The following CYFIP2 variants were observed in gnomAD, a reference collection of about 807,000 sequenced individuals.
CYFIP2 encodes the protein cytoplasmic FMR1 interacting protein 2.
A neutral mutation model predicts 158.7 loss-of-function variants in CYFIP2; 29 were observed. That is an observed-to-expected ratio of 0.18 (90% confidence interval 0.14 to 0.25). The LOEUF (loss-of-function observed/expected upper bound fraction) is 0.25. Among genes scored for constraint, CYFIP2 ranks in the 10% least tolerant of loss-of-function variants. CYFIP2 has a pLI of 1.00. For missense variants in CYFIP2, 852 were observed against 1,639.5 expected (o/e 0.52, Z 8.29); for synonymous variants, 585 against 617.6 (o/e 0.95, Z 0.78).
intron 26 of CYFIP2, among the ~76,000 whole-genome samples, chr5:157,367,480 T>C (rs986198894): frequency 6.6e-6 from 1 of 152,192 alleles, no homozygotes; most frequent in African/African-American, 2.4e-5. Context: ...TGCAGGAGTC[T>C]GGATGAAAAC....
chr5:157,313,374 A>G (rs189132383), intron 11 of CYFIP2, among the ~76,000 whole-genome samples: 3 of 152,302 alleles, frequency 2.0e-5, no homozygotes, highest in East Asian at 3.9e-4. Flanking sequence ...TTTTTTTTCC[A>G]TAAGGCATGT....
intron 6 of CYFIP2, 118 bp downstream of exon 6, chr5:157,301,014 A>G (rs1473870686): frequency 4.6e-6 from 4 of 871,074 alleles, no homozygotes; most frequent in East Asian, 5.7e-5. Context: ...ATACCAAACT[A>G]GCCATCCCCC....
Position 157,294,814 on chromosome 5 carries a change from C to T in CYFIP2, c.239C>T (p.Ala80Val), listed in dbSNP as rs866878368. 1.9e-6 allele frequency: 3 copies of T among 1,613,638 alleles called. No individual in the cohort carries two copies. Among genetic ancestry groups the T allele is most frequent in the Non-Finnish European group, 1.7e-6 (2 of 1,179,664 alleles). The change falls in exon 4 of 31, where the codon GCG becomes GTG. Residue 80 changes from alanine (A) to valine (V), a missense_variant. Coordinates refer to ENST00000620254, the MANE Select transcript of CYFIP2 (RefSeq NM_001037333.3). ...NEMLEEGHEY[A>V]VMLYTWRSCS... ...ATGCTGGAGGAAGGACATGAGTATGCGGTCATGCTGTACACCTGGCGCAGC... is the reference window on the plus strand; with the variant it reads ...ATGCTGGAGGAAGGACATGAGTATGTGGTCATGCTGTACACCTGGCGCAGC...
chr5:157,302,806 C>T lies in CYFIP2; in HGVS notation c.582C>T (p.Phe194=), dbSNP rs762421841. 1 of 1,579,928 alleles carries T rather than the reference C, an allele frequency of 6.3e-7. No homozygotes were observed. The highest frequency in any genetic ancestry group is 1.8e-5 in the Admixed American group (1 of 54,758). ...DHSAYKRAAQ[F]LRKMADPQSI... Reference sequence around the variant, plus strand: ...ATCTGCGTTTCAGGGCAGCACAGTTCCTGCGGAAGATGGCAGATCCCCAGT... The same window carrying T: ...ATCTGCGTTTCAGGGCAGCACAGTTTCTGCGGAAGATGGCAGATCCCCAGT... The change falls in exon 7 of 31, where the codon TTC becomes TTT. Residue 194 remains phenylalanine, a synonymous_variant. Transcript: ENST00000620254.
At chr5:157,392,326 C>T (rs1276206586) in intron 30 of CYFIP2, among the ~76,000 whole-genome samples, 1 of 151,958 alleles carries the variant, frequency 6.6e-6, no homozygotes, top group African/African-American at 2.4e-5. Context: ...AAAATTTTTC[C>T]CCTATATTCT....
At chr5:157,309,266 C>T (rs769046468) in intron 9 of CYFIP2, among the ~76,000 whole-genome samples, 4 of 152,146 alleles carry the variant, frequency 2.6e-5, no homozygotes, top group East Asian at 1.9e-4. Context: ...GGTTTTTGGT[C>T]GGGAGTTGTT....
intron 26 of CYFIP2, among the ~76,000 whole-genome samples, chr5:157,368,891 T>C (rs1298521469): frequency 8.9e-5 from 6 of 67,348 alleles, no homozygotes; most frequent in Non-Finnish European, 2.2e-4. Flanking sequence ...CCAGAGGTTT[T>C]TTGTTTTTTT....
chr5:157,343,443 A>G, intron 23 of CYFIP2: 1 of 1,614,114 alleles, frequency 6.2e-7, no homozygotes, highest in Non-Finnish European at 8.5e-7. Flanking sequence ...TTGGGCCTGT[A>G]CATAATATGG....
chr5:157,347,841 C>T (rs1246893841), intron 23 of CYFIP2, among the ~76,000 whole-genome samples: 1 of 152,230 alleles, frequency 6.6e-6, no homozygotes. Context: ...CCTCAGACCG[C>T]TTGACTGATG....
chr5:157,346,329 C>G (rs1762688915), intron 23 of CYFIP2, among the ~76,000 whole-genome samples: 1 of 152,118 alleles, frequency 6.6e-6, no homozygotes, highest in Admixed American at 6.5e-5. Flanking sequence ...CCATCCAGAA[C>G]CTTAGGATGT....
chr5:157,363,116 C>G (rs1763991523), intron 26 of CYFIP2: 1 of 152,444 alleles, frequency 6.6e-6, no homozygotes, highest in African/African-American at 2.4e-5. Context: ...TGCCTCATGG[C>G]TGACTCAGAG....
At chr5:157,309,938 C>A in intron 10 of CYFIP2, 104 bp downstream of exon 10, 1 of 1,098,710 alleles carries the variant, frequency 9.1e-7, no homozygotes, top group South Asian at 1.4e-5. Flanking sequence ...GATCCCTGGG[C>A]AGGTGGATTC....
Position 157,394,393 on chromosome 5 carries a change from G to A in CYFIP2, c.*1393G>A, listed in dbSNP as rs1230723690. The A allele has an allele frequency of 6.6e-6, 1 of 152,228 alleles. No individual in the cohort carries two copies. Among genetic ancestry groups the A allele is most frequent in the African/African-American group, 2.4e-5 (1 of 41,446 alleles). The allele number at this position is 152,228 out of a possible 1,614,324, so 9.4% of individuals were successfully genotyped here. ...CCAGCCCAGGGAAGTAAGATGGTTAGCAATGGTTGCCTTAATCAAATGGTC... is the reference window on the plus strand; with the variant it reads ...CCAGCCCAGGGAAGTAAGATGGTTAACAATGGTTGCCTTAATCAAATGGTC... On this transcript the variant is annotated 3_prime_UTR_variant, in exon 31 of 31. Coordinates refer to ENST00000620254, the MANE Select transcript of CYFIP2 (RefSeq NM_001037333.3).
At chr5:157,345,050 A>G (rs1457262798) in intron 23 of CYFIP2, among the ~76,000 whole-genome samples, 1 of 152,240 alleles carries the variant, frequency 6.6e-6, no homozygotes, top group Non-Finnish European at 1.5e-5. Context: ...AACGAAAGGG[A>G]TGAGACGGAT....
At chr5:157,280,713 TACTA>T (rs769150958) in intron 1 of CYFIP2, among the ~76,000 whole-genome samples, 65 of 152,222 alleles carry the variant, frequency 4.3e-4, no homozygotes, top group Non-Finnish European at 7.9e-4. Context: ...AATCTATAGT[TACTA>T]ACTCACTGCG....
intron 15 of CYFIP2, 140 bp from the exon 16 acceptor site, chr5:157,323,781 C>A: frequency 9.3e-7 from 1 of 1,078,794 alleles, no homozygotes; most frequent in Non-Finnish European, 1.3e-6. Flanking sequence ...AAACCTTAAA[C>A]TGGTGCTTCC....
intron 3 of CYFIP2, 108 bp downstream of exon 3, chr5:157,287,216 C>A: frequency 1.2e-6 from 1 of 804,492 alleles, no homozygotes; most frequent in Non-Finnish European, 2.1e-6. Context: ...TAAGAACCCC[C>A]TGCCTCAGTC....
At chr5:157,337,084 G>A (rs1161520160) in intron 21 of CYFIP2, among the ~76,000 whole-genome samples, 1 of 152,164 alleles carries the variant, frequency 6.6e-6, no homozygotes, top group Non-Finnish European at 1.5e-5. Flanking sequence ...CAGTGTGCCA[G>A]GGGACTCAGT....
At chr5:157,379,668 CAAAAAAAAAAA>C (rs70984468) in intron 26 of CYFIP2, among the ~76,000 whole-genome samples, 2 of 73,654 alleles carry the variant, frequency 2.7e-5, no homozygotes, top group African/African-American at 1.0e-4. Context: ...GACCCTGTCT[CAAAAAAAAAAA>C]AAAAAAAAAA....
Sources: allele counts gnomAD v4.1 joint callset (sites outside exome capture counted in the v4.1 genomes callset), GRCh38; gene constraint gnomAD v4.1.1; transcripts MANE v1.5; gene names NCBI Gene and HGNC (gene_info 2026-07-23, HGNC 2026-07-21).